COL24A1: variants seen among roughly 807,000 people sequenced by gnomAD.
COL24A1 encodes the protein collagen type XXIV alpha 1 chain.
Under a neutral mutation model 253.9 loss-of-function variants are expected in COL24A1, and 224 were observed. That is an observed-to-expected ratio of 0.88 (90% confidence interval 0.79 to 0.99). The LOEUF is 0.99. Among genes scored for constraint, COL24A1 ranks in the 50% least tolerant of loss-of-function variants. The pLI is 0.00. For missense variants in COL24A1, 2,131 were observed against 2,068.5 expected, an observed-to-expected ratio of 1.03 and a Z score of -0.59; for synonymous variants, 685 against 673.7, an observed-to-expected ratio of 1.02 and a Z score of -0.26.
chr1:85,785,288 A>T (rs1442576344), intron 48 of COL24A1, among the ~76,000 whole-genome samples: 1 of 152,218 alleles, frequency 6.6e-6, no homozygotes, highest in African/African-American at 2.4e-5. Flanking sequence ...CTAAAAGTCA[A>T]GTCTTTTTTC....
In COL24A1 at chr1:85,767,098, C is replaced by T. The variant is rs564112204; in HGVS notation, c.4375-5532G>A. On this transcript the variant is annotated intron_variant, in intron 53 of 59. Transcript: ENST00000370571. Reference sequence around the variant, plus strand: ...CAGCCTGGGTGACAGAGTGAGACTCCGTCTCAATAATAATAATAATAATAA... The same window carrying T: ...CAGCCTGGGTGACAGAGTGAGACTCTGTCTCAATAATAATAATAATAATAA... 1.8e-3 allele frequency among the ~76,000 whole-genome samples: 166 copies of T among 94,278 alleles called. 1 individual carries two copies. Among genetic ancestry groups the T allele is most frequent in the African/African-American group, 6.4e-3 (154 of 23,938 alleles). 61.9% of individuals were successfully genotyped at this position (94,278 alleles called of 152,430 possible). A position where few individuals can be genotyped will look rare whatever the true frequency, so the allele number is the denominator to read the frequency against.
At chr1:86,013,157 CAG>C (rs1351868102) in intron 19 of COL24A1, among the ~76,000 whole-genome samples, 1 of 152,178 alleles carries the variant, frequency 6.6e-6, no homozygotes, top group Non-Finnish European at 1.5e-5. Flanking sequence ...AATTCTCACT[CAG>C]AAGATGTTAA....
intron 3 of COL24A1, among the ~76,000 whole-genome samples, chr1:86,122,071 C>T (rs1429023176): frequency 6.6e-6 from 1 of 151,992 alleles, no homozygotes; most frequent in African/African-American, 2.4e-5. Context: ...TTCAGTCTCT[C>T]ATTATCTCTC....
At chr1:85,927,102 T>C (rs887903554) in intron 24 of COL24A1, among the ~76,000 whole-genome samples, 3 of 152,016 alleles carry the variant, frequency 2.0e-5, no homozygotes, top group African/African-American at 7.2e-5. Context: ...TAGGAACAGC[T>C]CCGGTCTACA....
rs1367527171 is a variant in COL24A1, at chr1:85,896,414, A to C, written c.2779-5T>G. The C allele has an allele frequency of 1.2e-6, 2 of 1,611,026 alleles. No individual in the cohort carries two copies. The highest frequency in any genetic ancestry group is 1.7e-6 in the Non-Finnish European group (2 of 1,177,400). On this transcript the variant is annotated splice_polypyrimidine_tract_variant and splice_region_variant and intron_variant, in intron 28 of 59. Coordinates refer to ENST00000370571, the MANE Select transcript of COL24A1 (RefSeq NM_152890.7). Reference sequence around the variant, plus strand: ...ACCATCTGGTCCTCTTGATCCCTAGAGGTGAAAAAAATATCCTGTTGTTAA... The same window carrying C: ...ACCATCTGGTCCTCTTGATCCCTAGCGGTGAAAAAAATATCCTGTTGTTAA...
intron 24 of COL24A1, among the ~76,000 whole-genome samples, chr1:85,938,650 G>A (rs1688446242): frequency 6.9e-6 from 1 of 145,904 alleles, no homozygotes; most frequent in Admixed American, 6.9e-5. Context: ...AGAACAAGGA[G>A]TAGACTGTGG....
chr1:85,941,511 T>C (rs1329078088), intron 24 of COL24A1, among the ~76,000 whole-genome samples: 1 of 152,212 alleles, frequency 6.6e-6, no homozygotes, highest in Non-Finnish European at 1.5e-5. Context: ...GATAATTCTG[T>C]TCATATTTTT....
intron 31 of COL24A1, among the ~76,000 whole-genome samples, chr1:85,893,691 G>C (rs191993268): frequency 6.6e-6 from 1 of 152,298 alleles, no homozygotes; most frequent in Non-Finnish European, 1.5e-5. Context: ...TGGATTACCA[G>C]AGCACTATAT....
intron 24 of COL24A1, among the ~76,000 whole-genome samples, chr1:85,929,866 A>T (rs1369443011): frequency 6.8e-6 from 1 of 147,876 alleles, no homozygotes; most frequent in East Asian, 2.0e-4. Context: ...GCAGAAATAA[A>T]GATGTTCTTT....
intron 20 of COL24A1, 92 bp downstream of exon 20, chr1:85,987,509 C>T: frequency 9.1e-7 from 1 of 1,098,034 alleles, no homozygotes; most frequent in Non-Finnish European, 1.4e-6. Flanking sequence ...CAGAAATGTT[C>T]TGATATTCCT....
At chr1:85,878,597 T>C (rs1003717571) in intron 32 of COL24A1, among the ~76,000 whole-genome samples, 1 of 152,210 alleles carries the variant, frequency 6.6e-6, no homozygotes, top group Admixed American at 6.5e-5. Context: ...GGGTAAACAC[T>C]AAGGATTGTG....
chr1:86,012,575 T>C (rs1698734), intron 19 of COL24A1, among the ~76,000 whole-genome samples: 47,307 of 151,926 alleles, frequency 0.31, 7,883 homozygotes, highest in Middle Eastern at 0.51. Flanking sequence ...GGCAACAGAG[T>C]GAGACTCTGT....
Position 86,017,226 on chromosome 1 carries a change from A to G in COL24A1, c.2257-22T>C, listed in dbSNP as rs201459468. ...GGCCCTAAAATGGGGGGGGAGGATC[A>G]AAGTATAAACATAAACTTAATAAAC... is the stretch of plus-strand genomic sequence containing the variant. On this transcript the variant is annotated intron_variant, in intron 18 of 59. Coordinates refer to ENST00000370571, the MANE Select transcript of COL24A1 (RefSeq NM_152890.7). 52 of 1,549,022 alleles carry G rather than the reference A, an allele frequency of 3.4e-5. 1 individual carries two copies. In the East Asian group the frequency reaches 1.3e-3, roughly 38 times the overall value.
chr1:85,925,060 C>A (rs946496024), intron 24 of COL24A1, among the ~76,000 whole-genome samples: 1 of 152,162 alleles, frequency 6.6e-6, no homozygotes, highest in East Asian at 1.9e-4. Flanking sequence ...CATGAGTGAA[C>A]TCTCATTCAC....
intron 43 of COL24A1, among the ~76,000 whole-genome samples, chr1:85,834,894 C>T (rs12098168): frequency 0.37 from 56,916 of 151,940 alleles, 11,354 homozygotes; most frequent in Non-Finnish European, 0.43. Context: ...GCTATAATTG[C>T]TTTTCCTTTT....
chr1:85,970,172 A>G, intron 22 of COL24A1, 55 bp downstream of exon 22: 1 of 1,431,190 alleles, frequency 7.0e-7, no homozygotes, highest in Admixed American at 2.2e-5. Context: ...AAACATTTAT[A>G]GAACAGCTAT....
intron 42 of COL24A1, among the ~76,000 whole-genome samples, 184 bp from the exon 43 acceptor site, chr1:85,838,822 A>T (rs911994445): frequency 3.3e-5 from 5 of 152,268 alleles, no homozygotes; most frequent in African/African-American, 9.6e-5. Context: ...CAACATCAAA[A>T]TACACCAACC....
intron 12 of COL24A1, among the ~76,000 whole-genome samples, chr1:86,042,142 G>T (rs541870882): frequency 6.6e-6 from 1 of 152,188 alleles, no homozygotes; most frequent in African/African-American, 2.4e-5. Context: ...GTGATTACAG[G>T]AAGTCTTTAA....
rs530285604 is a variant in COL24A1 at position 85,947,555 on chromosome 1, C to G, written c.2562+13694G>C. 5.3e-5 allele frequency among the ~76,000 whole-genome samples: 8 copies of G among 152,070 alleles called. No homozygotes were observed. In the South Asian group the frequency reaches 1.7e-3, roughly 32 times the overall value. ...TCTCCTGTAAGTATATCTATTGATA[C>G]CAGTGAGAAAAAAATAACTGATACT... On this transcript the variant is annotated intron_variant, in intron 24 of 59. Coordinates refer to ENST00000370571, the MANE Select transcript of COL24A1 (RefSeq NM_152890.7).
Sources: gnomAD v4.1 joint callset for allele counts (sites outside exome capture counted in the v4.1 genomes callset) on GRCh38, gnomAD v4.1.1 for gene constraint, MANE v1.5 for transcripts, NCBI Gene and HGNC (gene_info 2026-07-23, HGNC 2026-07-21) for gene names.